The following KLHL1 variants were observed in gnomAD, a reference collection of about 807,000 sequenced individuals.
KLHL1 encodes the protein kelch-like protein 1.
A neutral mutation model predicts 77.7 loss-of-function variants in KLHL1; 47 were observed. That is an observed-to-expected ratio of 0.60 (90% CI 0.48 to 0.77). The LOEUF is 0.77. Ranked by LOEUF, KLHL1 falls within the 30% of genes least tolerant of loss-of-function variation. The pLI is 0.00. For missense variants in KLHL1, 925 were observed against 910.8 expected (o/e 1.02, Z -0.20); for synonymous variants, 360 against 325.2 (o/e 1.11, Z -1.15).
chr13:69,789,602 GA>G (rs1438503237), intron 7 of KLHL1, among the ~76,000 whole-genome samples: 1 of 152,114 alleles, frequency 6.6e-6, no homozygotes, highest in Non-Finnish European at 1.5e-5. Flanking sequence ...ACCAATAGTA[GA>G]ATGAACAAAT....
intron 7 of KLHL1, among the ~76,000 whole-genome samples, chr13:69,785,340 G>T (rs975907022): frequency 4.6e-5 from 7 of 152,100 alleles, no homozygotes; most frequent in African/African-American, 1.7e-4. Context: ...TAGAACTCAG[G>T]ATTAAGAAAC....
intron 6 of KLHL1, among the ~76,000 whole-genome samples, chr13:69,831,318 C>T (rs1424843979): frequency 2.7e-5 from 4 of 149,764 alleles, no homozygotes; most frequent in African/African-American, 7.5e-5. Context: ...ACTATGATCA[C>T]CTTTACATGC....
At chr13:69,746,710 C>T (rs188194922) in intron 7 of KLHL1, among the ~76,000 whole-genome samples, 4 of 151,680 alleles carry the variant, frequency 2.6e-5, no homozygotes, top group South Asian at 2.1e-4. Flanking sequence ...GTTGAGAGAA[C>T]GCAAATGATT....
At position 69,951,440 on chromosome 13, in the gene KLHL1, C is replaced by T. The variant is rs114563732; in HGVS notation, c.817+9868G>A. 4.7e-4 allele frequency among the ~76,000 whole-genome samples: 71 copies of T among 151,600 alleles called. 1 individual carries two copies. Among genetic ancestry groups the T allele is most frequent in the African/African-American group, 1.5e-3 (61 of 41,468 alleles). ...TTAGTAGGAACATGTTTCTGTAGAA[C>T]CAGGTTATACTGAAGTTATCTGCAG... On this transcript the variant is annotated intron_variant, in intron 3 of 10. Coordinates refer to ENST00000377844, the MANE Select transcript of KLHL1 (RefSeq NM_020866.3).
Position 69,712,260 on chromosome 13 carries a change from ATT to A in KLHL1, c.2016-4466_2016-4465del, listed in dbSNP as rs34483205. On this transcript the variant is annotated intron_variant, in intron 9 of 10. Transcript: ENST00000377844. ...CAGGTTAAGAAGTCTTTCACACCTCATTTTTTTTTTTTTAAGGCGATCTCCTG... is the reference window on the plus strand; with the variant it reads ...CAGGTTAAGAAGTCTTTCACACCTCATTTTTTTTTTTAAGGCGATCTCCTG... Among the ~76,000 whole-genome samples, 485 of 148,956 alleles carry A rather than the reference ATT, an allele frequency of 3.3e-3. 1 individual carries two copies. The highest frequency in any genetic ancestry group is 7.6e-3 in the African/African-American group (308 of 40,650).
intron 7 of KLHL1, among the ~76,000 whole-genome samples, chr13:69,743,721 G>A (rs1348959559): frequency 1.3e-5 from 2 of 151,830 alleles, no homozygotes; most frequent in Non-Finnish European, 2.9e-5. Context: ...GGGAGGCAGA[G>A]GTTGCAGTGA....
chr13:69,855,344 ATAG>A (rs1879857249), intron 5 of KLHL1, among the ~76,000 whole-genome samples: 1 of 66,820 alleles, frequency 1.5e-5, no homozygotes, highest in African/African-American at 8.9e-5. Flanking sequence ...AGATAGATAG[ATAG>A]ACAGACAGAT....
intron 1 of KLHL1, among the ~76,000 whole-genome samples, chr13:70,011,480 C>T (rs1215239418): frequency 1.3e-5 from 2 of 152,068 alleles, no homozygotes; most frequent in Admixed American, 1.3e-4. Flanking sequence ...AAATTTTATG[C>T]TCTTCCATTT....
intron 6 of KLHL1, among the ~76,000 whole-genome samples, chr13:69,830,760 C>G (rs1416770000): frequency 6.7e-6 from 1 of 149,912 alleles, no homozygotes; most frequent in Non-Finnish European, 1.5e-5. Context: ...TCTCAGACCA[C>G]AGTGGAATAA....
intron 1 of KLHL1, among the ~76,000 whole-genome samples, chr13:70,032,032 G>A (rs925090744): frequency 1.3e-5 from 2 of 152,136 alleles, no homozygotes; most frequent in Non-Finnish European, 2.9e-5. Context: ...TGTTACAAAG[G>A]CATGGGCAAG....
chr13:69,944,678 A>C (rs1276652270), intron 3 of KLHL1, among the ~76,000 whole-genome samples: 1 of 152,182 alleles, frequency 6.6e-6, no homozygotes, highest in Non-Finnish European at 1.5e-5. Flanking sequence ...TAACATTTAG[A>C]ATCCCAGTAG....
At chr13:69,885,405 G>A (rs1368750046) in intron 4 of KLHL1, among the ~76,000 whole-genome samples, 1 of 141,170 alleles carries the variant, frequency 7.1e-6, no homozygotes, top group African/African-American at 2.6e-5. Context: ...ACTTACCTAC[G>A]TATTATTATG....
At chr13:70,023,857 A>T (rs565178343) in intron 1 of KLHL1, among the ~76,000 whole-genome samples, 1 of 152,072 alleles carries the variant, frequency 6.6e-6, no homozygotes, top group South Asian at 2.1e-4. Context: ...ACTTGCCTCA[A>T]ACAAGTGTCA....
At position 70,107,710 on chromosome 13, in the gene KLHL1, C is replaced by A. The variant is rs1420624184; in HGVS notation, c.-11G>T. On this transcript the variant is annotated 5_prime_UTR_variant, in exon 1 of 11. Transcript: ENST00000377844. ...CCCAGAGCCTGACATGCTTTACGCA[C>A]AGAAGGCAAAAGGCTGGCAGCTCAC... 6.6e-7 allele frequency: 1 copy of A among 1,511,826 alleles called. No individual in the cohort carries two copies. Among genetic ancestry groups the A allele is most frequent in the East Asian group, 2.3e-5 (1 of 44,026 alleles). The allele number at this position is 1,511,826 out of a possible 1,614,324, so 93.7% of individuals were successfully genotyped here.
intron 5 of KLHL1, among the ~76,000 whole-genome samples, chr13:69,855,631 C>G (rs945584120): frequency 6.6e-6 from 1 of 151,680 alleles, no homozygotes; most frequent in East Asian, 2.0e-4. Flanking sequence ...CTGCTACACT[C>G]AGCAATTTTC....
intron 6 of KLHL1, among the ~76,000 whole-genome samples, chr13:69,833,824 C>T (rs12430527): frequency 0.23 from 33,892 of 149,398 alleles, 5,192 homozygotes; most frequent in African/African-American, 0.44. Flanking sequence ...CACACACACA[C>T]ATGTATACAT....
intron 1 of KLHL1, among the ~76,000 whole-genome samples, chr13:70,056,993 A>G (rs1162873308): frequency 2.5e-5 from 2 of 79,358 alleles, no homozygotes; most frequent in Non-Finnish European, 4.8e-5. Context: ...TGTAACAAAA[A>G]TATCAAAAAA....
At chr13:69,959,449 C>A (rs534604442) in intron 3 of KLHL1, among the ~76,000 whole-genome samples, 1 of 151,698 alleles carries the variant, frequency 6.6e-6, no homozygotes, top group African/African-American at 2.4e-5. Context: ...AGGTTGTATG[C>A]AAATTGAAAT....
At chr13:69,711,478 C>T (rs1875875304) in intron 9 of KLHL1, among the ~76,000 whole-genome samples, 1 of 151,880 alleles carries the variant, frequency 6.6e-6, no homozygotes, top group African/African-American at 2.4e-5. Flanking sequence ...TCGAGAGTGA[C>T]AATAGTGTTG....
Sources: gnomAD v4.1 joint callset for allele counts (sites outside exome capture counted in the v4.1 genomes callset) on GRCh38, gnomAD v4.1.1 for gene constraint, MANE v1.5 for transcripts, NCBI Gene and HGNC (gene_info 2026-07-23, HGNC 2026-07-21) for gene names.